Variants in PPL observed in about 807,000 individuals in gnomAD.
PPL encodes periplakin.
In PPL, 198 loss-of-function variants were observed where a neutral mutation model predicts 194.4. The ratio of observed to expected loss-of-function variants is 1.02; its 90% CI spans 0.91 to 1.15. The LOEUF (loss-of-function observed/expected upper bound fraction) is 1.15. PPL is among the 50% of genes most tolerant of loss of function. PPL has a pLI of 0.00. For synonymous variants in PPL, 1,220 were observed against 972.4 expected (o/e 1.25, Z -4.74); for missense variants, 2,885 against 2,294.8 (o/e 1.26, Z -5.25).
intron 1 of PPL, among the ~76,000 whole-genome samples, chr16:4,923,431 C>T (rs1036273914): frequency 6.6e-6 from 1 of 152,174 alleles, no homozygotes. Flanking sequence ...CGGCCTCCTG[C>T]CCCCAGGAGA....
At position 4,885,753 on chromosome 16, in the gene PPL, G is replaced by C. The variant is rs1234046363; in HGVS notation, c.2902C>G (p.Gln968Glu). 1 of 1,612,432 alleles carries C rather than the reference G, an allele frequency of 6.2e-7. No homozygotes were observed. Among genetic ancestry groups the C allele is most frequent in the Non-Finnish European group, 8.5e-7 (1 of 1,179,970 alleles). Residue 968 changes from glutamine to glutamate, a missense_variant, in exon 22 of 22, where the codon CAG becomes GAG. Coordinates refer to ENST00000345988, the MANE Select transcript of PPL (RefSeq NM_002705.5). The surrounding 1 kb of genome is among the most constrained non-coding windows in gnomAD (Gnocchi z 6.3). ...AEEQHKNQLL[Q>E]EELEALQLQL... ...AGCTGCAGTGCCTCCAGCTCCTCCT[G>C]CAGCAGCTGGTTCTTGTGCTGCTCC...
At chr16:4,901,267 G>A (rs1376189375) in intron 4 of PPL, among the ~76,000 whole-genome samples, 178 bp from the exon 5 acceptor site, 1 of 152,176 alleles carries the variant, frequency 6.6e-6, no homozygotes, top group Middle Eastern at 3.2e-3. Context: ...GCTGAGCACT[G>A]ACCTATATCA....
intron 8 of PPL, 111 bp from the exon 9 acceptor site, chr16:4,897,881 T>C (rs2088465742): frequency 1.2e-6 from 1 of 823,456 alleles, no homozygotes; most frequent in Middle Eastern, 3.5e-4. Context: ...GCATCTGGCA[T>C]CTGTCTGGGT....
In PPL at chr16:4,903,890, C is replaced by A. The variant is rs202078495; in HGVS notation, c.313G>T (p.Glu105Ter). 1 of 1,613,954 alleles carries A rather than the reference C, an allele frequency of 6.2e-7. No individual in the cohort carries two copies. Among genetic ancestry groups the A allele is most frequent in the African/African-American group, 1.3e-5 (1 of 75,056 alleles). ...MKHPQGDMIAEDIRQLKERVT... is the reference protein window; with the variant it reads ...MKHPQGDMIA ...TAAGAAGCAGAAGGGACCTACTCCT[C>A]GGCGATCATGTCCCCCTGTGGGTGC... Residue 105 changes from glutamate (E) to a stop codon, truncating the protein, a stop_gained, in exon 3 of 22, where the codon GAG (glutamate) becomes TAG (stop). Transcript: ENST00000345988. LOFTEE classifies it high-confidence loss of function.
chr16:4,916,151 A>G (rs1434432201), intron 1 of PPL, among the ~76,000 whole-genome samples: 1 of 152,224 alleles, frequency 6.6e-6, no homozygotes, highest in Non-Finnish European at 1.5e-5. Flanking sequence ...AAATTCCACA[A>G]AAAGTTAAGC....
At chr16:4,925,154 C>A (rs1035916625) in intron 1 of PPL, among the ~76,000 whole-genome samples, 44 of 152,358 alleles carry the variant, frequency 2.9e-4, no homozygotes, top group African/African-American at 8.7e-4. Context: ...CTCCCTGGAA[C>A]CAGCCTCACC....
At chr16:4,910,824 G>C in intron 2 of PPL, 26 bp downstream of exon 2, 11 of 1,590,820 alleles carry the variant, frequency 6.9e-6, no homozygotes, top group Admixed American at 3.3e-5. Flanking sequence ...GGGCACCCAG[G>C]TGGGAGTGGG....
Position 4,903,886 on chromosome 16 carries a change from T to G in PPL, c.317A>C (p.Asp106Ala), listed in dbSNP as rs748704085. 3.4e-5 allele frequency: 55 copies of G among 1,613,760 alleles called. No homozygotes were observed. Among genetic ancestry groups the G allele is most frequent in the Non-Finnish European group, 4.5e-5 (53 of 1,180,026 alleles). ...GGGGTAAGAAGCAGAAGGGACCTAC[T>G]CCTCGGCGATCATGTCCCCCTGTGG... ...KHPQGDMIAE[D>A]IRQLKERVTN... Residue 106 changes from aspartate (D) to alanine (A), a missense_variant and splice_region_variant, in exon 3 of 22, where the codon GAT (aspartate) becomes GCT (alanine). By Grantham distance (126) the Asp-to-Ala change is moderately radical. Coordinates refer to ENST00000345988, the MANE Select transcript of PPL (RefSeq NM_002705.5).
chr16:4,893,173 G>A, intron 14 of PPL, 40 bp downstream of exon 14: 1 of 1,488,512 alleles, frequency 6.7e-7, no homozygotes, highest in Non-Finnish European at 8.9e-7. Context: ...GCCAGTGCAG[G>A]GCTCCCCCGG....
intron 1 of PPL, among the ~76,000 whole-genome samples, chr16:4,928,338 G>A (rs1369616862): frequency 2.6e-5 from 4 of 152,214 alleles, no homozygotes; most frequent in Non-Finnish European, 4.4e-5. Flanking sequence ...CAGAGTGTTG[G>A]GATTACAGGC....
intron 11 of PPL, 76 bp downstream of exon 11, chr16:4,895,185 G>T: frequency 6.8e-7 from 1 of 1,477,108 alleles, no homozygotes; most frequent in Non-Finnish European, 9.0e-7. Context: ...TGAGAACGGC[G>T]CCTGAGGCCC....
chr16:4,891,808 C>A lies in PPL; in HGVS notation c.1968+3G>T. The stretch of plus-strand genomic sequence containing the variant: ...ACTCCCAGGACTTGGGCCCTAGACT[C>A]ACCGCCAGCTCCTGCCCCTTGCTGT... On this transcript the variant is annotated splice_donor_region_variant and intron_variant, in intron 16 of 21. Coordinates refer to ENST00000345988, the MANE Select transcript of PPL (RefSeq NM_002705.5). 6.2e-7 allele frequency: 1 copy of A among 1,607,262 alleles called. No homozygotes were observed. The highest frequency in any genetic ancestry group is 8.5e-7 in the Non-Finnish European group (1 of 1,177,210).
chr16:4,887,969 T>C (rs1249638395), intron 20 of PPL, 133 bp downstream of exon 20: 12 of 678,388 alleles, frequency 1.8e-5, no homozygotes, highest in Non-Finnish European at 2.9e-5. Context: ...CCTGTTTGCA[T>C]GCAGGAGGGC....
At chr16:4,928,229 C>T (rs1467752270) in intron 1 of PPL, among the ~76,000 whole-genome samples, 1 of 152,236 alleles carries the variant, frequency 6.6e-6, no homozygotes, top group Non-Finnish European at 1.5e-5. Context: ...CAGCCTTCAA[C>T]TCTTGGGCTC....
chr16:4,936,909 C>A, intron 1 of PPL, 75 bp downstream of exon 1: 1 of 1,437,742 alleles, frequency 7.0e-7, no homozygotes, highest in Non-Finnish European at 9.4e-7. Flanking sequence ...CCTACACTGC[C>A]CGGGAGGTCT....
In PPL at chr16:4,884,906, C is replaced by A; in HGVS notation, c.3749G>T (p.Arg1250Leu). 1 of 1,614,134 alleles carries A rather than the reference C, an allele frequency of 6.2e-7. No homozygotes were observed. The highest frequency in any genetic ancestry group is 8.5e-7 in the Non-Finnish European group (1 of 1,180,026). Residue 1250 changes from arginine (R) to leucine (L), a missense_variant, in exon 22 of 22, where the codon CGG becomes CTG. Coordinates refer to ENST00000345988, the MANE Select transcript of PPL (RefSeq NM_002705.5). This position sits in a 1 kb window ranked among gnomAD's most constrained non-coding sequence, Gnocchi z 5.7. The stretch of plus-strand genomic sequence containing the variant: ...CTTGTCCACGATCTCCTCCCTGAGC[C>A]GCTGAAGCTCCTTCTCCATCTCAGG... ...TDPEMEKELQRLREEIVDKTR... is the reference protein window; with the variant it reads ...TDPEMEKELQLLREEIVDKTR...
In PPL at chr16:4,902,563, T is replaced by C. The variant is rs1002292511; in HGVS notation, c.318-37A>G. 5 of 1,602,206 alleles carry C rather than the reference T, an allele frequency of 3.1e-6. No individual in the cohort carries two copies. The highest frequency in any genetic ancestry group is 3.4e-6 in the Non-Finnish European group (4 of 1,174,046). On this transcript the variant is annotated intron_variant, in intron 3 of 21. Transcript: ENST00000345988. This position sits in a 1 kb window ranked among gnomAD's most constrained non-coding sequence, Gnocchi z 4.0. ...GAGGCTCCCACTTAGTGGGGCTGGTTGGCACTGCCTGCACCCCAGGAGGGG... is the reference window on the plus strand; with the variant it reads ...GAGGCTCCCACTTAGTGGGGCTGGTCGGCACTGCCTGCACCCCAGGAGGGG...
intron 3 of PPL, among the ~76,000 whole-genome samples, 166 bp downstream of exon 3, chr16:4,903,720 C>CAAA (rs57261954): frequency 7.7e-6 from 1 of 129,514 alleles, no homozygotes; most frequent in Non-Finnish European, 1.7e-5. Context: ...AACTACGTCT[C>CAAA]AAAAAAAAAA....
intron 14 of PPL, 69 bp downstream of exon 14, chr16:4,893,144 C>T: frequency 2.8e-6 from 4 of 1,435,878 alleles, no homozygotes; most frequent in South Asian, 1.4e-5. Context: ...GAAAAGACCT[C>T]AAATAGGGGC....
Sources: allele counts gnomAD v4.1 joint callset (sites outside exome capture counted in the v4.1 genomes callset), GRCh38; gene constraint gnomAD v4.1.1; non-coding constraint Gnocchi (gnomAD v3.1); transcripts MANE v1.5; gene names NCBI Gene and HGNC (gene_info 2026-07-23, HGNC 2026-07-21).